FOXP2: variants seen among roughly 807,000 people sequenced by gnomAD.
FOXP2 encodes the protein forkhead box P2, also known as forkhead box protein P2.
A neutral mutation model predicts 115.8 loss-of-function variants in FOXP2; 12 were observed. That is an observed-to-expected ratio of 0.10 (90% CI 0.07 to 0.17). FOXP2 has a LOEUF of 0.17. FOXP2 is among the 10% of genes least tolerant of loss of function. The probability of loss-of-function intolerance (pLI) is 1.00; values close to 1 mark genes in which losing one functional copy is unlikely to be tolerated. For missense variants in FOXP2, 629 were observed against 843.5 expected, an observed-to-expected ratio of 0.75 and a Z score of 3.15; for synonymous variants, 328 against 297.7, an observed-to-expected ratio of 1.10 and a Z score of -1.05.
At position 114,423,842 on chromosome 7, in the gene FOXP2, T is replaced by C. The variant is rs1793722183; in HGVS notation, c.-10-2660T>C. Among the ~76,000 whole-genome samples, 4 of 151,568 alleles carry C rather than the reference T, an allele frequency of 2.6e-5. No individual in the cohort carries two copies. The Admixed American group carries it at 2.6e-4, about 10-fold the overall frequency. ...CATTGTCCTTGAAAAATTCCTCCTT[T>C]ATAGTGAACATACTCCAAGCTTTTT... On this transcript the variant is annotated intron_variant, in intron 1 of 16. Transcript: ENST00000350908.
chr7:114,152,664 A>G (rs559304764), intron 1 of FOXP2, among the ~76,000 whole-genome samples: 1 of 152,066 alleles, frequency 6.6e-6, no homozygotes, highest in Non-Finnish European at 1.5e-5. Flanking sequence ...TGTGTAGTCA[A>G]GGGAGGTTGC....
At chr7:114,581,087 A>G (rs926738681) in intron 3 of FOXP2, among the ~76,000 whole-genome samples, 1 of 151,384 alleles carries the variant, frequency 6.6e-6, no homozygotes, top group Non-Finnish European at 1.5e-5. Flanking sequence ...ACACACACAC[A>G]CACACACACA....
intron 1 of FOXP2, among the ~76,000 whole-genome samples, chr7:114,099,992 G>C (rs1361005022): frequency 6.6e-6 from 1 of 152,116 alleles, no homozygotes; most frequent in Non-Finnish European, 1.5e-5. Context: ...TCTTTCTACT[G>C]TCTATGTATA....
chr7:114,496,791 A>G (rs1797341404), intron 2 of FOXP2, among the ~76,000 whole-genome samples: 1 of 152,190 alleles, frequency 6.6e-6, no homozygotes, highest in Non-Finnish European at 1.5e-5. Flanking sequence ...TTATTTATAT[A>G]TCAAATTGCT....
chr7:114,209,950 G>A (rs1020940595), intron 1 of FOXP2, among the ~76,000 whole-genome samples: 2 of 152,120 alleles, frequency 1.3e-5, no homozygotes, highest in African/African-American at 4.8e-5. Flanking sequence ...GCATTATGAA[G>A]TTCTCATCTT....
rs114623886 is a variant in FOXP2, at chr7:114,188,621, G to A, written c.-102+25533G>A. The stretch of plus-strand genomic sequence containing the variant: ...TTCGCTTGTTTTGAGACAGAGTCTC[G>A]CTCTGTTGCTGAGGCAGGAGTGCAG... On this transcript the variant is annotated intron_variant, in intron 1 of 17. Transcript: ENST00000634411. Among the ~76,000 whole-genome samples, 408 of 152,064 alleles carry A rather than the reference G, an allele frequency of 2.7e-3. 2 individuals are homozygous for A. Among genetic ancestry groups the A allele is most frequent in the African/African-American group, 9.5e-3 (392 of 41,464 alleles).
At chr7:114,541,477 G>T (rs1167978342) in intron 3 of FOXP2, among the ~76,000 whole-genome samples, 2 of 152,052 alleles carry the variant, frequency 1.3e-5, no homozygotes, top group East Asian at 3.9e-4. Flanking sequence ...ACAGGAAGGA[G>T]AACATTTTTG....
intron 2 of FOXP2, among the ~76,000 whole-genome samples, chr7:114,371,546 G>A (rs565452695): frequency 6.8e-4 from 103 of 152,066 alleles, no homozygotes; most frequent in African/African-American, 2.4e-3. Context: ...ATGCTTTTCA[G>A]AGTGGAAAAA....
intron 2 of FOXP2, among the ~76,000 whole-genome samples, chr7:114,439,267 C>T (rs1291916683): frequency 1.2e-4 from 18 of 151,980 alleles, no homozygotes; most frequent in Non-Finnish European, 1.6e-4. Context: ...TCTATTATGT[C>T]GGATATGGAT....
intron 2 of FOXP2, among the ~76,000 whole-genome samples, chr7:114,354,271 T>C (rs1394477939): frequency 1.3e-5 from 2 of 152,146 alleles, no homozygotes; most frequent in Non-Finnish European, 2.9e-5. Flanking sequence ...GACTGAATTA[T>C]GCCACTAACT....
At chr7:114,472,462 C>G (rs1176675019) in intron 2 of FOXP2, among the ~76,000 whole-genome samples, 1 of 151,560 alleles carries the variant, frequency 6.6e-6, no homozygotes, top group African/African-American at 2.4e-5. Flanking sequence ...TCTCCTGTCT[C>G]AGCCTCCTGA....
Position 114,689,810 on chromosome 7 carries a change from G to A in FOXP2, c.2032G>A (p.Val678Met), listed in dbSNP as rs774842735. The A allele has an allele frequency of 1.2e-6, 2 of 1,613,460 alleles. No homozygotes were observed. The highest frequency in any genetic ancestry group is 2.2e-5 in the South Asian group (2 of 91,070). Reference protein sequence around the residue: ...IHSIHVKEEPVIAEDEDCPMS... With the variant: ...IHSIHVKEEPMIAEDEDCPMS... ...TTCAATCCACGTCAAGGAAGAGCCA[G>A]TGATTGCAGAGGATGAAGACTGCCC... is the stretch of plus-strand genomic sequence containing the variant. Residue 678 changes from valine to methionine, a missense_variant, in exon 17 of 17, where the codon GTG becomes ATG. This residue lies in a region of FOXP2 where 117 missense variants were observed against 112.3 expected (regional missense o/e 1.04). Transcript: ENST00000350908.
At chr7:114,537,807 C>T (rs1799469893) in intron 3 of FOXP2, among the ~76,000 whole-genome samples, 1 of 151,312 alleles carries the variant, frequency 6.6e-6, no homozygotes, top group African/African-American at 2.4e-5. Context: ...CATGAAACAC[C>T]AATTGAATAG....
intron 2 of FOXP2, among the ~76,000 whole-genome samples, chr7:114,439,044 A>G (rs1794480242): frequency 6.6e-6 from 1 of 152,192 alleles, no homozygotes; most frequent in Non-Finnish European, 1.5e-5. Context: ...AATAATTTTA[A>G]AAAGACAAAG....
At chr7:114,490,056 G>A (rs1796963290) in intron 2 of FOXP2, among the ~76,000 whole-genome samples, 1 of 152,086 alleles carries the variant, frequency 6.6e-6, no homozygotes, top group Admixed American at 6.6e-5. Flanking sequence ...TATATGATCA[G>A]CAATTGTGCT....
chr7:114,448,435 A>T (rs1363774679), intron 2 of FOXP2, among the ~76,000 whole-genome samples: 1 of 152,118 alleles, frequency 6.6e-6, no homozygotes, highest in Non-Finnish European at 1.5e-5. Context: ...CTGTACTTCA[A>T]GTGTCACCAT....
chr7:114,226,050 T>C (rs1264035986), intron 1 of FOXP2, among the ~76,000 whole-genome samples: 1 of 152,152 alleles, frequency 6.6e-6, no homozygotes, highest in Non-Finnish European at 1.5e-5. Context: ...ACAATATCCA[T>C]TTCCTAATCC....
At chr7:114,531,961 G>C (rs1449087036) in intron 2 of FOXP2, among the ~76,000 whole-genome samples, 4 of 151,942 alleles carry the variant, frequency 2.6e-5, no homozygotes, top group African/African-American at 7.2e-5. Context: ...ATATAACGCA[G>C]GTTGGTAAAA....
chr7:114,689,886 G>C lies in FOXP2; in HGVS notation c.2108G>C (p.Arg703Thr). The change falls in exon 17 of 17, where the codon AGA becomes ACA. Residue 703 changes from arginine (R) to threonine (T), a missense_variant. Arg to Thr is a moderately conservative substitution (Grantham distance 71). Transcript: ENST00000350908. ...CACAGTCCAGAATTAGAAGACGACA[G>C]AGAGATTGAAGAAGAGCCTTTATCT... ...ANHSPELEDD[R>T]EIEEEPLSED... The C allele has an allele frequency of 6.2e-7, 1 of 1,613,496 alleles. No individual in the cohort carries two copies. The highest frequency in any genetic ancestry group is 2.2e-5 in the East Asian group (1 of 44,846).
Sources: allele counts gnomAD v4.1 joint callset (sites outside exome capture counted in the v4.1 genomes callset), GRCh38; gene constraint gnomAD v4.1.1; regional missense constraint gnomAD v4.1.1; transcripts MANE v1.5; gene names NCBI Gene and HGNC (gene_info 2026-07-23, HGNC 2026-07-21).